The following PRDM11 variants were observed in gnomAD, a reference collection of about 807,000 sequenced individuals.
The protein encoded by PRDM11 is PR domain-containing protein 11.
PRDM11 carries 20 observed loss-of-function variants against 97.8 expected under a neutral mutation model. That is an observed-to-expected ratio of 0.20 (90% CI 0.14 to 0.30). The LOEUF (loss-of-function observed/expected upper bound fraction) is 0.30. PRDM11 is among the 10% of genes least tolerant of loss of function. The probability of loss-of-function intolerance (pLI) is 1.00; values close to 1 mark genes in which losing one functional copy is unlikely to be tolerated. For synonymous variants in PRDM11, 599 were observed against 637.7 expected (o/e 0.94, Z 0.91); for missense variants, 1,139 against 1,555.2 (o/e 0.73, Z 4.50).
At chr11:45,210,469 C>T (rs1302127338) in intron 5 of PRDM11, among the ~76,000 whole-genome samples, 1 of 152,270 alleles carries the variant, frequency 6.6e-6, no homozygotes, top group Non-Finnish European at 1.5e-5. Flanking sequence ...CACATCTCCC[C>T]CGTGCCCCGC....
At chr11:45,163,490 G>GA (rs955342270) in intron 1 of PRDM11, among the ~76,000 whole-genome samples, 1 of 151,740 alleles carries the variant, frequency 6.6e-6, no homozygotes, top group Admixed American at 6.6e-5. Flanking sequence ...CTTGAGGATG[G>GA]GGGGGGGTAC....
At chr11:45,201,852 A>G (rs1192897984) in intron 4 of PRDM11, among the ~76,000 whole-genome samples, 2 of 152,042 alleles carry the variant, frequency 1.3e-5, no homozygotes, top group Non-Finnish European at 2.9e-5. Flanking sequence ...AGGCACCCAT[A>G]GTCCCAGCTA....
At chr11:45,130,109 C>A (rs1303242384) in intron 1 of PRDM11, among the ~76,000 whole-genome samples, 1 of 152,062 alleles carries the variant, frequency 6.6e-6, no homozygotes, top group Admixed American at 6.6e-5. Flanking sequence ...TTGATCCCTA[C>A]CTCACACCAA....
chr11:45,124,156 T>C (rs1852510729), intron 1 of PRDM11, among the ~76,000 whole-genome samples: 1 of 150,474 alleles, frequency 6.6e-6, no homozygotes, highest in Non-Finnish European at 1.5e-5. Flanking sequence ...TGTCTGTTAT[T>C]GGTGTATAAG....
rs58588988 is a variant in PRDM11 at position 45,135,128 on chromosome 11, ACTCT to A, written c.96+39247_96+39250del. Among the ~76,000 whole-genome samples, 305 of 148,902 alleles carry A rather than the reference ACTCT, an allele frequency of 2.0e-3. 2 individuals carry two copies. The highest frequency in any genetic ancestry group is 5.9e-3 in the African/African-American group (240 of 40,558). ...AAAAGAAGAATCCAATTTTAATTATACTCTCTCTCTCTCTCTCTCTCTCCTACTA... is the reference window on the plus strand; with the variant it reads ...AAAAGAAGAATCCAATTTTAATTATACTCTCTCTCTCTCTCTCTCCTACTA... On this transcript the variant is annotated intron_variant, in intron 1 of 6. Transcript: ENST00000530656.
chr11:45,180,986 G>T (rs1269954244), intron 1 of PRDM11, among the ~76,000 whole-genome samples: 1 of 152,188 alleles, frequency 6.6e-6, no homozygotes, highest in African/African-American at 2.4e-5. Flanking sequence ...CGAGGAGCAG[G>T]GGTGTGGCCA....
chr11:45,120,544 G>A (rs746923122), intron 1 of PRDM11, among the ~76,000 whole-genome samples: 1 of 151,954 alleles, frequency 6.6e-6, no homozygotes. Context: ...AGAATCTATG[G>A]AAGCTAGAAA....
At chr11:45,205,647 G>A (rs1853480939) in intron 5 of PRDM11, among the ~76,000 whole-genome samples, 1 of 152,198 alleles carries the variant, frequency 6.6e-6, no homozygotes, top group African/African-American at 2.4e-5. Flanking sequence ...GACCCATGAG[G>A]CCTTGAGGCT....
Position 45,224,638 on chromosome 11 carries a change from C to G in PRDM11, c.1164C>G (p.Phe388Leu). ...LEDEEEEPSS[F>L]KADSPAEASL... is the part of the protein sequence containing the mutation. ...ATGAAGAAGAGGAGCCTTCATCATT[C>G]AAGGCCGACAGTCCTGCCGAGGCCT... The change falls in exon 7 of 8, where the codon TTC becomes TTG. Residue 388 changes from phenylalanine (F) to leucine (L), a missense_variant. Transcript: ENST00000683152. 1.2e-6 allele frequency: 2 copies of G among 1,614,192 alleles called. No homozygotes were observed. The highest frequency in any genetic ancestry group is 1.7e-6 in the Non-Finnish European group (2 of 1,180,030).
In PRDM11 at chr11:45,219,929, C is replaced by A. The variant is rs1010080886; in HGVS notation, c.742+172C>A. ...GCAGCAGCTCTGGGCCAAGCAGGGG[C>A]CACCCCAGCATGTTATCGACCCCTA... On this transcript the variant is annotated intron_variant, in intron 6 of 7. Transcript: ENST00000683152. This position sits in a 1 kb window ranked among gnomAD's most constrained non-coding sequence, Gnocchi z 4.2. Among the ~76,000 whole-genome samples, 9 of 152,148 alleles carry A rather than the reference C, an allele frequency of 5.9e-5. No homozygotes were observed. Among genetic ancestry groups the A allele is most frequent in the African/African-American group, 2.2e-4 (9 of 41,420 alleles).
At chr11:45,135,289 T>C (rs927761378) in intron 1 of PRDM11, among the ~76,000 whole-genome samples, 2 of 152,224 alleles carry the variant, frequency 1.3e-5, no homozygotes, top group Non-Finnish European at 2.9e-5. Flanking sequence ...ATCATTGTTT[T>C]GGAGCTTCTA....
At chr11:45,095,717 T>C, upstream of PRDM11, 2 of 679,646 alleles carry the variant, frequency 2.9e-6, no homozygotes, top group Non-Finnish European at 5.4e-6. Context: ...TTAACCCTTC[T>C]GCTTTCTGCT....
intron 6 of PRDM11, among the ~76,000 whole-genome samples, chr11:45,223,317 A>G (rs1362196377): frequency 1.3e-5 from 2 of 152,244 alleles, no homozygotes; most frequent in Non-Finnish European, 2.9e-5. Flanking sequence ...AATAAAAATT[A>G]AAAACAAGGA....
rs1277068711 is a variant in PRDM11, at chr11:45,233,643, C to G, written c.*5484C>G. ...CTTCTGCTGCCCCTAGAGGCCAAGC[C>G]CCTGAAGTGCAGCCGTCCTGGCCTC... On this transcript the variant is annotated 3_prime_UTR_variant, in exon 8 of 8. Coordinates refer to ENST00000683152, the MANE Select transcript of PRDM11 (RefSeq NM_001384648.1). 1.3e-5 allele frequency: 2 copies of G among 152,372 alleles called. No individual in the cohort carries two copies. The highest frequency in any genetic ancestry group is 4.8e-5 in the African/African-American group (2 of 41,454). The allele number at this position is 152,372 out of a possible 1,614,324, so 9.4% of individuals were successfully genotyped here.
chr11:45,136,474 T>C lies in PRDM11; in HGVS notation c.96+40573T>C, dbSNP rs372649897. Among the ~76,000 whole-genome samples, 6 of 152,186 alleles carry C rather than the reference T, an allele frequency of 3.9e-5. No individual in the cohort carries two copies. In the South Asian group the frequency reaches 8.3e-4, roughly 21 times the overall value. On this transcript the variant is annotated intron_variant, in intron 1 of 6. Transcript: ENST00000530656. ...TCTAAAGTATTACCAGATTGCAACA[T>C]AGGCAGGTGGAAGACAGCTGGAGGA...
chr11:45,163,540 T>G (rs1331896755), intron 1 of PRDM11, among the ~76,000 whole-genome samples: 1 of 152,110 alleles, frequency 6.6e-6, no homozygotes, highest in Non-Finnish European at 1.5e-5. Flanking sequence ...CAGCTGCTCC[T>G]GATCGTAGGG....
At position 45,155,465 on chromosome 11, in the gene PRDM11, G is replaced by A. The variant is rs1051535407; in HGVS notation, c.-7+8588G>A. ...GGGCGGGCTCTGGGGGTTGCCGGGAGGTGGTTGGCTGGGGCTTGTCCCTGA... is the reference window on the plus strand; with the variant it reads ...GGGCGGGCTCTGGGGGTTGCCGGGAAGTGGTTGGCTGGGGCTTGTCCCTGA... On this transcript the variant is annotated intron_variant, in intron 1 of 7. Coordinates refer to ENST00000683152, the MANE Select transcript of PRDM11 (RefSeq NM_001384648.1). 2.4e-4 allele frequency among the ~76,000 whole-genome samples: 37 copies of A among 152,188 alleles called. 1 individual carries two copies. Among genetic ancestry groups the A allele is most frequent in the Admixed American group, 1.4e-3 (22 of 15,286 alleles).
In PRDM11 at chr11:45,226,453, C is replaced by A. The variant is rs575457646; in HGVS notation, c.1828C>A (p.Arg610=). Residue 610 remains arginine (R), a synonymous_variant, in exon 8 of 8, where the codon CGG becomes AGG. Coordinates refer to ENST00000683152, the MANE Select transcript of PRDM11 (RefSeq NM_001384648.1). ...GGAGGGCAGGCCCTACCTGGACTTC[C>A]GGCCCCTGGCGGAGCTGCTGAGGAA... The part of the protein sequence containing the change: ...ALEGRPYLDF[R]PLAELLRKCE... 3.7e-4 allele frequency: 567 copies of A among 1,534,004 alleles called. 3 individuals carry two copies. Among genetic ancestry groups the A allele is most frequent in the South Asian group, 1.2e-3 (98 of 83,966 alleles).
chr11:45,234,863 G>A lies in PRDM11; in HGVS notation c.*6704G>A, dbSNP rs2135875213. The stretch of plus-strand genomic sequence containing the variant: ...GTCAATCACAAAGGAAAAATAAGTG[G>A]GGATGGGGGGAAATACCTAGGAGTC... On this transcript the variant is annotated 3_prime_UTR_variant, in exon 8 of 8. Transcript: ENST00000683152. The A allele has an allele frequency of 1.3e-5, 2 of 152,206 alleles. 1 individual carries two copies. Among genetic ancestry groups the A allele is most frequent in the South Asian group, 4.2e-4 (2 of 4,818 alleles). The allele number at this position is 152,206 out of a possible 1,614,324, so 9.4% of individuals were successfully genotyped here. A position where few individuals can be genotyped will look rare whatever the true frequency, so the allele number is the denominator to read the frequency against.
Sources: allele counts gnomAD v4.1 joint callset (sites outside exome capture counted in the v4.1 genomes callset), GRCh38; gene constraint gnomAD v4.1.1; non-coding constraint Gnocchi (gnomAD v3.1); transcripts MANE v1.5; gene names NCBI Gene and HGNC (gene_info 2026-07-23, HGNC 2026-07-21).